The following IGFL2 variants were observed in gnomAD, a reference collection of about 807,000 sequenced individuals.
IGFL2 encodes the protein insulin growth factor-like family member 2.
Under a neutral mutation model 13.9 loss-of-function variants are expected in IGFL2, and 7 were observed. The ratio of observed to expected loss-of-function variants is 0.51; its 90% CI spans 0.29 to 0.95. The LOEUF (loss-of-function observed/expected upper bound fraction) is 0.95. Among genes scored for constraint, IGFL2 ranks in the 40% least tolerant of loss-of-function variants. IGFL2 has a pLI of 0.08. For missense variants in IGFL2, 138 were observed against 147.8 expected, an observed-to-expected ratio of 0.93 and a Z score of 0.34; for synonymous variants, 55 against 55.8, an observed-to-expected ratio of 0.99 and a Z score of 0.07.
intron 1 of IGFL2, chr19:46,158,930 G>C (rs1973976830): frequency 6.6e-6 from 1 of 152,194 alleles, no homozygotes; most frequent in Admixed American, 6.5e-5. Context: ...TACTGCCCGG[G>C]TCCTGCCAGA....
chr19:46,150,570 TAAATC>T (rs1005716563), intron 1 of IGFL2, among the ~76,000 whole-genome samples: 2 of 152,242 alleles, frequency 1.3e-5, no homozygotes, highest in Admixed American at 6.5e-5. Flanking sequence ...TGTTAAATGA[TAAATC>T]AAATTAATTA....
chr19:46,084,297 T>G, the IGFL2 span, among the ~76,000 whole-genome samples: 1 of 152,226 alleles, frequency 6.6e-6, no homozygotes, highest in Admixed American at 6.5e-5. Context: ...TATAAATCTA[T>G]TAAGTTCATT....
chr19:46,168,464 C>T, the IGFL2 span, among the ~76,000 whole-genome samples: 2 of 152,178 alleles, frequency 1.3e-5, no homozygotes, highest in Non-Finnish European at 2.9e-5. Flanking sequence ...TCATGTCATA[C>T]TCCTCCCTTT....
At chr19:46,197,238 C>G in the IGFL2 span, 1 of 198,568 alleles carries the variant, frequency 5.0e-6, no homozygotes, top group African/African-American at 2.3e-5. Flanking sequence ...AGATGAAAGG[C>G]CAGAAGTGCT....
At chr19:46,169,529 T>C in the IGFL2 span, among the ~76,000 whole-genome samples, 1 of 152,154 alleles carries the variant, frequency 6.6e-6, no homozygotes, top group Non-Finnish European at 1.5e-5. Context: ...GGAGACCTAA[T>C]GAGAACAAAA....
chr19:46,105,596 A>T, the IGFL2 span, among the ~76,000 whole-genome samples: 2 of 152,158 alleles, frequency 1.3e-5, no homozygotes, highest in African/African-American at 4.8e-5. Flanking sequence ...AACAATGGTA[A>T]TCGTTGCAGA....
At chr19:46,191,420 A>G in the IGFL2 span, among the ~76,000 whole-genome samples, 1 of 152,180 alleles carries the variant, frequency 6.6e-6, no homozygotes, top group Non-Finnish European at 1.5e-5. Context: ...GCTGGGCTAA[A>G]GAGAAGATCA....
At chr19:46,167,211 G>A in the IGFL2 span, among the ~76,000 whole-genome samples, 5 of 152,228 alleles carry the variant, frequency 3.3e-5, no homozygotes, top group Non-Finnish European at 5.9e-5. Flanking sequence ...CGTTCCCTCC[G>A]TTTGGGGTCC....
At chr19:46,103,793 A>C in the IGFL2 span, among the ~76,000 whole-genome samples, 1 of 152,164 alleles carries the variant, frequency 6.6e-6, no homozygotes, top group East Asian at 1.9e-4. Flanking sequence ...AGGATGTATT[A>C]GGCTTATAAG....
At chr19:46,175,336 G>T in the IGFL2 span, among the ~76,000 whole-genome samples, 19 of 152,238 alleles carry the variant, frequency 1.2e-4, no homozygotes, top group South Asian at 2.5e-3. Context: ...TACAAAGATA[G>T]TAAGAATCAG....
chr19:46,178,692 T>A, the IGFL2 span, among the ~76,000 whole-genome samples: 43 of 152,350 alleles, frequency 2.8e-4, no homozygotes, highest in African/African-American at 9.9e-4. Context: ...TGACTTCAAG[T>A]CTTTAGAGAT....
chr19:46,151,670 G>A (rs554757211), intron 1 of IGFL2, among the ~76,000 whole-genome samples: 51 of 152,286 alleles, frequency 3.3e-4, no homozygotes, highest in African/African-American at 1.1e-3. Flanking sequence ...AGCACTTTTG[G>A]AGGCCAAGGA....
the IGFL2 span, among the ~76,000 whole-genome samples, chr19:46,206,425 G>T: frequency 6.6e-6 from 1 of 152,170 alleles, no homozygotes; most frequent in Non-Finnish European, 1.5e-5. Flanking sequence ...GCCACACCCA[G>T]TCTCAGCATA....
chr19:46,170,707 A>G, the IGFL2 span, among the ~76,000 whole-genome samples: 125 of 152,236 alleles, frequency 8.2e-4, 2 homozygotes, highest in Middle Eastern at 0.014. Flanking sequence ...TAAAATGGCC[A>G]CTCTGGGGGT....
the IGFL2 span, among the ~76,000 whole-genome samples, chr19:46,193,458 A>G: frequency 6.6e-6 from 1 of 152,112 alleles, no homozygotes; most frequent in Non-Finnish European, 1.5e-5. Flanking sequence ...TAAAACCTTT[A>G]TTTTACTTTG....
chr19:46,154,336 G>A (rs963925725), intron 1 of IGFL2, among the ~76,000 whole-genome samples: 12 of 152,312 alleles, frequency 7.9e-5, no homozygotes, highest in Non-Finnish European at 1.3e-4. Context: ...CCAAGACAAA[G>A]TGTTGCCAGG....
chr19:46,202,267 CTAGA>C, the IGFL2 span, among the ~76,000 whole-genome samples: 12 of 152,198 alleles, frequency 7.9e-5, no homozygotes, highest in East Asian at 2.1e-3. Context: ...ACAAAATTAT[CTAGA>C]TCTTGTAGGA....
At chr19:46,200,169 T>A in the IGFL2 span, among the ~76,000 whole-genome samples, 7 of 151,638 alleles carry the variant, frequency 4.6e-5, no homozygotes, top group African/African-American at 1.2e-4. Context: ...TTTTAATTTT[T>A]ATTTTATTTT....
At chr19:46,167,995 G>A in the IGFL2 span, among the ~76,000 whole-genome samples, 1 of 152,222 alleles carries the variant, frequency 6.6e-6, no homozygotes, top group Non-Finnish European at 1.5e-5. Context: ...CAGCCTAAGT[G>A]TCCTACTATG....
Sources: allele counts gnomAD v4.1 joint callset (sites outside exome capture counted in the v4.1 genomes callset), GRCh38; gene constraint gnomAD v4.1.1; transcripts MANE v1.5; gene names NCBI Gene and HGNC (gene_info 2026-07-23, HGNC 2026-07-21).